Variants in SREBF2 observed in about 807,000 individuals in gnomAD.
SREBF2 encodes sterol regulatory element-binding protein 2.
Under a neutral mutation model 113.1 loss-of-function variants are expected in SREBF2, and 55 were observed. The observed-to-expected ratio is 0.49, with a 90% confidence interval of 0.39 to 0.61. The LOEUF (loss-of-function observed/expected upper bound fraction) is 0.61. Ranked by LOEUF, SREBF2 falls within the 20% of genes least tolerant of loss-of-function variation. The pLI is 0.00. For missense variants in SREBF2, 1,349 were observed against 1,487.4 expected (o/e 0.91, Z 1.53); for synonymous variants, 593 against 605.7 (o/e 0.98, Z 0.31).
At position 41,906,185 on chromosome 22, in the gene SREBF2, G is replaced by A; in HGVS notation, c.*525G>A. 2.8e-6 allele frequency: 1 copy of A among 359,970 alleles called. No homozygotes were observed. The highest frequency in any genetic ancestry group is 7.4e-5 in the East Asian group (1 of 13,508). 22.3% of individuals were successfully genotyped at this position (359,970 alleles called of 1,614,324 possible). A position where few individuals can be genotyped will look rare whatever the true frequency, so the allele number is the denominator to read the frequency against. On this transcript the variant is annotated 3_prime_UTR_variant, in exon 19 of 19. Transcript: ENST00000361204. ...GCGTCTTGATTCTCTCCCTGGGTCT[G>A]CGTTCCCTCCCCTGGGCCTGACTGA... is the stretch of plus-strand genomic sequence containing the variant.
intron 9 of SREBF2, 42 bp downstream of exon 9, chr22:41,878,165 G>A: frequency 6.2e-7 from 1 of 1,611,166 alleles, no homozygotes. Flanking sequence ...CCCCAGACTT[G>A]ACAAATAATT....
At chr22:41,863,629 T>C (rs979737835) in intron 1 of SREBF2, among the ~76,000 whole-genome samples, 1 of 152,218 alleles carries the variant, frequency 6.6e-6, no homozygotes, top group Non-Finnish European at 1.5e-5. Flanking sequence ...CAAGCTGCAA[T>C]ATCTGTAGCA....
Position 41,875,570 on chromosome 22 carries a change from G to T in SREBF2, c.1232G>T (p.Ser411Ile). Reference sequence around the variant, plus strand: ...CTTCTAAAGGGCATCGACCTAGGCAGTCTGGTGGACAATGAGGTGGACCTG... The same window carrying T: ...CTTCTAAAGGGCATCGACCTAGGCATTCTGGTGGACAATGAGGTGGACCTG... The part of the protein sequence containing the change: ...NKLLKGIDLG[S>I]LVDNEVDLKI... The change falls in exon 7 of 19, where the codon AGT becomes ATT. Residue 411 changes from serine (S) to isoleucine (I), a missense_variant. Physicochemically the swap from Ser to Ile is moderately radical, Grantham distance 142. Transcript: ENST00000361204. 1 of 1,614,254 alleles carries T rather than the reference G, an allele frequency of 6.2e-7. No individual in the cohort carries two copies.
chr22:41,889,064 C>G (rs948609561), intron 11 of SREBF2, among the ~76,000 whole-genome samples: 1 of 152,184 alleles, frequency 6.6e-6, no homozygotes, highest in Admixed American at 6.5e-5. Context: ...CAAACATTCT[C>G]TACTCACTAT....
intron 17 of SREBF2, among the ~76,000 whole-genome samples, chr22:41,903,806 G>A (rs115778233): frequency 0.029 from 4,345 of 152,306 alleles, 191 homozygotes; most frequent in African/African-American, 0.099. Context: ...GGCTGCTGCC[G>A]TGGAGCTTGG....
In SREBF2 at chr22:41,897,077, T is replaced by G; in HGVS notation, c.2521T>G (p.Leu841Val). The stretch of plus-strand genomic sequence containing the variant: ...TGAATTCTCCAGTGCTCTGGAGTAC[T>G]TGAAATTACTTCATTCTTTTGTGGA... ...SCEFSSALEY[L>V]KLLHSFVDSV... The change falls in exon 14 of 19, where the codon TTG (leucine) becomes GTG (valine). Residue 841 changes from leucine to valine, a missense_variant. This residue lies in a region of SREBF2 where 650 missense variants were observed against 644.1 expected (regional missense o/e 1.01). Coordinates refer to ENST00000361204, the MANE Select transcript of SREBF2 (RefSeq NM_004599.4). The G allele has an allele frequency of 6.2e-7, 1 of 1,613,356 alleles. No individual in the cohort carries two copies. Among genetic ancestry groups the G allele is most frequent in the Non-Finnish European group, 8.5e-7 (1 of 1,179,778 alleles).
At chr22:41,867,601 T>C (rs1341045353) in intron 2 of SREBF2, among the ~76,000 whole-genome samples, 1 of 151,926 alleles carries the variant, frequency 6.6e-6, no homozygotes, top group East Asian at 1.9e-4. Flanking sequence ...GGTCAGGAGA[T>C]TGAGACCATC....
Position 41,898,642 on chromosome 22 carries a change from C to T in SREBF2, c.2606-7C>T. Reference sequence around the variant, plus strand: ...GCTGGAGTGCGTTTGGTGCTGTTCTCCTCTAGGTCCAGACATCATCTGTCG... The same window carrying T: ...GCTGGAGTGCGTTTGGTGCTGTTCTTCTCTAGGTCCAGACATCATCTGTCG... On this transcript the variant is annotated splice_region_variant and splice_polypyrimidine_tract_variant and intron_variant, in intron 14 of 18. Coordinates refer to ENST00000361204, the MANE Select transcript of SREBF2 (RefSeq NM_004599.4). 2 of 1,613,930 alleles carry T rather than the reference C, an allele frequency of 1.2e-6. No individual in the cohort carries two copies. Among genetic ancestry groups the T allele is most frequent in the Non-Finnish European group, 8.5e-7 (1 of 1,179,958 alleles).
intron 1 of SREBF2, among the ~76,000 whole-genome samples, chr22:41,846,771 G>A (rs938632343): frequency 2.6e-5 from 4 of 152,012 alleles, no homozygotes; most frequent in Non-Finnish European, 5.9e-5. Flanking sequence ...CTTTTCATCC[G>A]TTAAGCTCGG....
At chr22:41,855,920 C>T (rs958232839) in intron 1 of SREBF2, among the ~76,000 whole-genome samples, 1 of 151,084 alleles carries the variant, frequency 6.6e-6, no homozygotes, top group East Asian at 2.0e-4. Flanking sequence ...GAGGCCTGAC[C>T]AAGTTTTTTT....
chr22:41,887,003 C>T (rs1244417335), intron 11 of SREBF2, among the ~76,000 whole-genome samples: 1 of 152,184 alleles, frequency 6.6e-6, no homozygotes, highest in Non-Finnish European at 1.5e-5. Context: ...CATTGCACTC[C>T]AGCCTGGGCA....
intron 2 of SREBF2, 78 bp downstream of exon 2, chr22:41,867,358 C>A: frequency 6.6e-7 from 1 of 1,504,878 alleles, no homozygotes; most frequent in Non-Finnish European, 9.2e-7. Flanking sequence ...GTAAATATTT[C>A]TGTCGTCTTC....
intron 1 of SREBF2, among the ~76,000 whole-genome samples, chr22:41,842,982 G>A (rs1026271064): frequency 4.0e-5 from 6 of 149,740 alleles, no homozygotes; most frequent in Non-Finnish European, 7.4e-5. Context: ...AGAGCGAGAC[G>A]TCCGTCTCAA....
chr22:41,855,629 G>A (rs1210403440), intron 1 of SREBF2, among the ~76,000 whole-genome samples: 4 of 152,178 alleles, frequency 2.6e-5, no homozygotes, highest in Non-Finnish European at 4.4e-5. Flanking sequence ...ATTTTCTGCA[G>A]GCTAACATCT....
Position 41,866,739 on chromosome 22 carries a change from G to C in SREBF2, c.89-92G>C, listed in dbSNP as rs934581965. On this transcript the variant is annotated intron_variant, in intron 1 of 18. Coordinates refer to ENST00000361204, the MANE Select transcript of SREBF2 (RefSeq NM_004599.4). Reference sequence around the variant, plus strand: ...CCATTTCTGCCATGGTCTTAGGAAAGTCATTGAGTTTTCATGCCTTAGTTT... The same window carrying C: ...CCATTTCTGCCATGGTCTTAGGAAACTCATTGAGTTTTCATGCCTTAGTTT... 16 of 1,440,812 alleles carry C rather than the reference G, an allele frequency of 1.1e-5. No homozygotes were observed. The African/African-American group carries it at 2.0e-4, about 18-fold the overall frequency. The allele number at this position is 1,440,812 out of a possible 1,614,324, so 89.3% of individuals were successfully genotyped here. A position where few individuals can be genotyped will look rare whatever the true frequency, so the allele number is the denominator to read the frequency against.
chr22:41,884,644 C>T (rs2148401290), intron 10 of SREBF2, among the ~76,000 whole-genome samples, 198 bp from the exon 11 acceptor site: 1 of 152,290 alleles, frequency 6.6e-6, no homozygotes, highest in Admixed American at 6.5e-5. Context: ...TTCCCAGCTA[C>T]CCTGTGAGGT....
Position 41,904,975 on chromosome 22 carries a change from G to A in SREBF2, c.3205+1G>A. ...CGCACCACGCAGAGCACCAAGCACGGTGAGTCCACCCCTCCCCAGCTCACA... is the reference window on the plus strand; with the variant it reads ...CGCACCACGCAGAGCACCAAGCACGATGAGTCCACCCCTCCCCAGCTCACA... On this transcript the variant is annotated splice_donor_variant, in intron 18 of 18. Transcript: ENST00000361204. LOFTEE classifies it high-confidence loss of function. The A allele has an allele frequency of 6.3e-7, 1 of 1,587,892 alleles. No individual in the cohort carries two copies. The highest frequency in any genetic ancestry group is 8.5e-7 in the Non-Finnish European group (1 of 1,172,306).
At chr22:41,837,670 C>G (rs909714172) in intron 1 of SREBF2, among the ~76,000 whole-genome samples, 3 of 151,284 alleles carry the variant, frequency 2.0e-5, no homozygotes, top group Admixed American at 6.6e-5. Context: ...ACCAGCCTGA[C>G]CAACATGGAG....
At chr22:41,885,736 T>G (rs2077293215) in intron 11 of SREBF2, 1 of 157,280 alleles carries the variant, frequency 6.4e-6, no homozygotes, top group Non-Finnish European at 1.4e-5. Flanking sequence ...CCACTATGGA[T>G]AGACTGCTGA....
Sources: allele counts gnomAD v4.1 joint callset (sites outside exome capture counted in the v4.1 genomes callset), GRCh38; gene constraint gnomAD v4.1.1; regional missense constraint gnomAD v4.1.1; transcripts MANE v1.5; gene names NCBI Gene and HGNC (gene_info 2026-07-23, HGNC 2026-07-21).